Variants in AGBL4 observed in about 807,000 individuals in gnomAD.
AGBL4 encodes the protein cytosolic carboxypeptidase 6.
In AGBL4, 58 loss-of-function variants were observed where a neutral mutation model predicts 66.4. The observed-to-expected ratio is 0.87, with a 90% CI of 0.71 to 1.09. AGBL4 has a LOEUF of 1.09. AGBL4 is among the 50% of genes least tolerant of loss of function. The pLI is 0.00. For synonymous variants in AGBL4, 234 were observed against 222.9 expected, an observed-to-expected ratio of 1.05 and a Z score of -0.44; for missense variants, 579 against 631.0, an observed-to-expected ratio of 0.92 and a Z score of 0.88.
rs558587800 is a variant in AGBL4, at chr1:48,533,893, T to A, written c.*280A>T. ...CTTAAAAGGGATGTGTAGGTTTTCC[T>A]CATCTTGGAAGATCTCTATGTTGTA... On this transcript the variant is annotated 3_prime_UTR_variant, in exon 14 of 14. Transcript: ENST00000371839. 67 of 444,742 alleles carry A rather than the reference T, an allele frequency of 1.5e-4. No individual in the cohort carries two copies. Among genetic ancestry groups the A allele is most frequent in the African/African-American group, 1.3e-3 (67 of 50,230 alleles). The allele number at this position is 444,742 out of a possible 1,614,324, so 27.5% of individuals were successfully genotyped here. A position where few individuals can be genotyped will look rare whatever the true frequency, so the allele number is the denominator to read the frequency against.
intron 6 of AGBL4, among the ~76,000 whole-genome samples, chr1:48,809,078 G>C (rs543276728): frequency 6.6e-6 from 1 of 152,144 alleles, no homozygotes; most frequent in Non-Finnish European, 1.5e-5. Context: ...ATGAAGATCC[G>C]TGGGGCCTGA....
At chr1:48,629,116 G>T (rs1557839285) in intron 9 of AGBL4, among the ~76,000 whole-genome samples, 1 of 152,098 alleles carries the variant, frequency 6.6e-6, no homozygotes, top group South Asian at 2.1e-4. Context: ...TCAAACACTG[G>T]GTGCACCTGA....
At chr1:49,921,457 A>C (rs1652239045) in intron 1 of AGBL4, among the ~76,000 whole-genome samples, 1 of 152,192 alleles carries the variant, frequency 6.6e-6, no homozygotes, top group African/African-American at 2.4e-5. Flanking sequence ...CACAACTAAT[A>C]GGATATATGT....
At chr1:49,307,692 C>T (rs1324380395) in intron 3 of AGBL4, among the ~76,000 whole-genome samples, 1 of 152,046 alleles carries the variant, frequency 6.6e-6, no homozygotes, top group African/African-American at 2.4e-5. Flanking sequence ...TGCACACTTG[C>T]CTTTGTAACC....
Position 48,590,836 on chromosome 1 carries a change from GGAGAAGTCCTC to G in AGBL4, c.1090_1100del (p.Glu364LeufsTer7). 6.3e-7 allele frequency: 1 copy of G among 1,599,308 alleles called. No individual in the cohort carries two copies. Among genetic ancestry groups the G allele is most frequent in the Non-Finnish European group, 8.5e-7 (1 of 1,172,666 alleles). ...TGAGAGAGAACTCCTGGCTTACATA[GGAGAAGTCCTC>G]AGCATTCTGGCAGAGGAGCTTGGGA... On this transcript the variant is annotated frameshift_variant, in exon 10 of 14. Transcript: ENST00000371839. LOFTEE classifies it high-confidence loss of function.
chr1:49,204,861 A>G (rs2148238406), intron 4 of AGBL4, among the ~76,000 whole-genome samples: 1 of 152,260 alleles, frequency 6.6e-6, no homozygotes, highest in East Asian at 1.9e-4. Context: ...GTGAGCACTC[A>G]TCACCAATGG....
intron 11 of AGBL4, among the ~76,000 whole-genome samples, chr1:48,545,331 C>T (rs191740358): frequency 1.3e-5 from 2 of 152,140 alleles, no homozygotes; most frequent in Admixed American, 6.5e-5. Flanking sequence ...TTTCCCTTCC[C>T]CCTCCAACCC....
rs9700472 is a variant in AGBL4 at position 49,084,451 on chromosome 1, G to A, written c.378-38651C>T. Among the ~76,000 whole-genome samples, 391 of 152,258 alleles carry A rather than the reference G, an allele frequency of 2.6e-3. 1 individual carries two copies. Among genetic ancestry groups the A allele is most frequent in the African/African-American group, 8.9e-3 (370 of 41,550 alleles). ...GGCAGAGGGTGAAGGAGGAGCAAAG[G>A]TACATCTTACATTACAGCAGGCAAG... On this transcript the variant is annotated intron_variant, in intron 4 of 13. Coordinates refer to ENST00000371839, the MANE Select transcript of AGBL4 (RefSeq NM_032785.4).
At chr1:48,804,212 GT>G (rs1645872355) in intron 6 of AGBL4, among the ~76,000 whole-genome samples, 1 of 152,070 alleles carries the variant, frequency 6.6e-6, no homozygotes, top group African/African-American at 2.4e-5. Flanking sequence ...TTCCTGCCTG[GT>G]TTATCTCCTC....
intron 2 of AGBL4, among the ~76,000 whole-genome samples, chr1:49,814,383 C>T (rs1393250161): frequency 6.6e-6 from 1 of 152,156 alleles, no homozygotes; most frequent in Non-Finnish European, 1.5e-5. Flanking sequence ...TCAGCCCCTA[C>T]AGCCTTATAG....
At chr1:49,388,387 C>A (rs1172738635) in intron 3 of AGBL4, among the ~76,000 whole-genome samples, 1 of 151,984 alleles carries the variant, frequency 6.6e-6, no homozygotes, top group Non-Finnish European at 1.5e-5. Flanking sequence ...AAATAGCTGG[C>A]CAGGGGCAAT....
At chr1:49,877,555 G>C (rs199717158) in intron 1 of AGBL4, among the ~76,000 whole-genome samples, 2 of 151,698 alleles carry the variant, frequency 1.3e-5, no homozygotes, top group Non-Finnish European at 2.9e-5. Context: ...GCTGGATTCG[G>C]TTTGCCAGTA....
intron 3 of AGBL4, among the ~76,000 whole-genome samples, chr1:49,365,915 T>C (rs1306981724): frequency 6.6e-6 from 1 of 152,056 alleles, no homozygotes; most frequent in Non-Finnish European, 1.5e-5. Context: ...AATGAACATG[T>C]TAAAAACCTA....
intron 3 of AGBL4, among the ~76,000 whole-genome samples, chr1:49,286,767 C>G (rs371196799): frequency 6.6e-6 from 1 of 152,098 alleles, no homozygotes; most frequent in Middle Eastern, 3.4e-3. Flanking sequence ...GAATCAATAT[C>G]GTGAAAATGG....
chr1:48,842,395 C>T (rs1225147803), intron 6 of AGBL4, among the ~76,000 whole-genome samples: 3 of 152,086 alleles, frequency 2.0e-5, no homozygotes, highest in Non-Finnish European at 2.9e-5. Flanking sequence ...ACAGAATTAA[C>T]ATTGATCAGG....
At chr1:49,816,048 T>C (rs1054468218) in intron 2 of AGBL4, among the ~76,000 whole-genome samples, 1 of 152,020 alleles carries the variant, frequency 6.6e-6, no homozygotes, top group Non-Finnish European at 1.5e-5. Flanking sequence ...TATGCCACCA[T>C]GCCTGGCTAT....
chr1:49,406,507 G>C (rs998540494), intron 3 of AGBL4, among the ~76,000 whole-genome samples: 6 of 151,618 alleles, frequency 4.0e-5, no homozygotes, highest in Non-Finnish European at 8.8e-5. Context: ...CCAAGCAAAG[G>C]GTACATAAAA....
chr1:48,887,328 G>C (rs1392580033), intron 5 of AGBL4, among the ~76,000 whole-genome samples: 1 of 152,118 alleles, frequency 6.6e-6, no homozygotes. Flanking sequence ...CCACTAAAGG[G>C]CACAGTGATG....
chr1:50,004,569 G>T lies in AGBL4; in HGVS notation c.34+19194C>A, dbSNP rs1338867940. 3.9e-5 allele frequency among the ~76,000 whole-genome samples: 6 copies of T among 152,178 alleles called. No individual in the cohort carries two copies. The East Asian group carries it at 9.6e-4, about 24-fold the overall frequency. ...AAGAGGAACTTTCTCTTGCAACTTG[G>T]ATACCAGCTCAGCCACAGTAGGACA... On this transcript the variant is annotated intron_variant, in intron 1 of 13. Transcript: ENST00000371839.
Sources: gnomAD v4.1 joint callset for allele counts (sites outside exome capture counted in the v4.1 genomes callset) on GRCh38, gnomAD v4.1.1 for gene constraint, MANE v1.5 for transcripts, NCBI Gene and HGNC (gene_info 2026-07-23, HGNC 2026-07-21) for gene names.